The following C2orf76 variants were observed in gnomAD, a reference collection of about 807,000 sequenced individuals.
The protein encoded by C2orf76 is UPF0538 protein C2orf76.
In C2orf76, 23 loss-of-function variants were observed where a neutral mutation model predicts 16.9. The ratio of observed to expected loss-of-function variants is 1.36; its 90% confidence interval spans 0.98 to 1.93. C2orf76 has a LOEUF of 1.93. Among genes scored for constraint, C2orf76 ranks in the 30% most tolerant of loss-of-function variants. The pLI, the probability that C2orf76 is intolerant of heterozygous loss-of-function variation, is 0.00. For synonymous variants in C2orf76, 48 were observed against 52.3 expected, an observed-to-expected ratio of 0.92 and a Z score of 0.35; for missense variants, 152 against 152.6, an observed-to-expected ratio of 1.00 and a Z score of 0.02.
intron 1 of C2orf76, among the ~76,000 whole-genome samples, chr2:119,358,708 C>T (rs149251825): frequency 7.2e-5 from 11 of 152,140 alleles, no homozygotes; most frequent in African/African-American, 2.4e-4. Context: ...AAGGCCCTAA[C>T]ACTCTTCAAT....
At chr2:119,347,941 GA>G (rs1418560558) in intron 1 of C2orf76, among the ~76,000 whole-genome samples, 1 of 150,718 alleles carries the variant, frequency 6.6e-6, no homozygotes, top group Non-Finnish European at 1.5e-5. Flanking sequence ...TTGGGAGGCT[GA>G]GGCAGAAAGA....
At chr2:119,367,006 C>T (rs1681041054), upstream of C2orf76, 2 of 1,613,242 alleles carry the variant, frequency 1.2e-6, no homozygotes, top group Non-Finnish European at 1.7e-6. Context: ...CTTCCTGGTC[C>T]TCGCCTCCTC....
At chr2:119,346,701 G>C (rs1419057251) in intron 1 of C2orf76, among the ~76,000 whole-genome samples, 1 of 152,158 alleles carries the variant, frequency 6.6e-6, no homozygotes, top group African/African-American at 2.4e-5. Flanking sequence ...CCTTGTGATG[G>C]AAATGTTCTG....
At chr2:119,286,435 C>G in the C2orf76 span, among the ~76,000 whole-genome samples, 10 of 151,878 alleles carry the variant, frequency 6.6e-5, no homozygotes, top group African/African-American at 2.4e-4. Context: ...CATTCAGAGA[C>G]CAGAGTGGGA....
intron 1 of C2orf76, among the ~76,000 whole-genome samples, chr2:119,350,459 T>C (rs1211280912): frequency 6.6e-6 from 1 of 152,154 alleles, no homozygotes; most frequent in East Asian, 1.9e-4. Flanking sequence ...CCAGCTAGTT[T>C]GGGGCAATGC....
intron 4 of C2orf76, among the ~76,000 whole-genome samples, chr2:119,314,283 C>T (rs905792610): frequency 6.6e-6 from 1 of 151,966 alleles, no homozygotes; most frequent in Admixed American, 6.6e-5. Context: ...TGCCCTGTAC[C>T]CAGGACCCAA....
chr2:119,347,225 C>G (rs1386819573), intron 1 of C2orf76, among the ~76,000 whole-genome samples: 1 of 152,036 alleles, frequency 6.6e-6, no homozygotes, highest in Non-Finnish European at 1.5e-5. Flanking sequence ...TTAAATGACA[C>G]CACAAGGAGG....
intron 2 of C2orf76, among the ~76,000 whole-genome samples, chr2:119,335,039 A>G (rs752573568): frequency 4.6e-5 from 7 of 152,244 alleles, no homozygotes; most frequent in Non-Finnish European, 1.0e-4. Context: ...GAATTAACAG[A>G]TAAGCAAGGA....
At chr2:119,346,690 T>A (rs1278686682) in intron 1 of C2orf76, among the ~76,000 whole-genome samples, 1 of 152,116 alleles carries the variant, frequency 6.6e-6, no homozygotes, top group African/African-American at 2.4e-5. Context: ...AAATGAGAGA[T>A]CCTTGTGATG....
chr2:119,348,730 C>T (rs1156876848), intron 1 of C2orf76, among the ~76,000 whole-genome samples: 1 of 151,616 alleles, frequency 6.6e-6, no homozygotes, highest in Non-Finnish European at 1.5e-5. Context: ...TGCCGTGGCT[C>T]ACACTTGTAA....
chr2:119,339,719 G>T, intron 2 of C2orf76, 108 bp downstream of exon 2: 1 of 1,263,358 alleles, frequency 7.9e-7, no homozygotes, highest in Non-Finnish European at 1.1e-6. Context: ...TTGGAACCCA[G>T]GTTAATCTTT....
the C2orf76 span, among the ~76,000 whole-genome samples, chr2:119,294,827 G>C: frequency 6.6e-6 from 1 of 152,194 alleles, no homozygotes; most frequent in Admixed American, 6.5e-5. Flanking sequence ...TTCAGGTGCA[G>C]GTGTAGAAGG....
chr2:119,305,520 A>G (rs4849774), intron 5 of C2orf76, among the ~76,000 whole-genome samples: 108,450 of 152,120 alleles, frequency 0.71, 39,659 homozygotes, highest in African/African-American at 0.89. Context: ...AGTATGAGGC[A>G]CAGCCCCTGT....
At chr2:119,352,730 C>T (rs773032361) in intron 1 of C2orf76, among the ~76,000 whole-genome samples, 3 of 152,144 alleles carry the variant, frequency 2.0e-5, no homozygotes, top group Non-Finnish European at 4.4e-5. Flanking sequence ...CAAATAAATG[C>T]TGCTAAATTG....
At chr2:119,339,675 A>T in intron 2 of C2orf76, 152 bp downstream of exon 2, 1 of 637,276 alleles carries the variant, frequency 1.6e-6, no homozygotes, top group Non-Finnish European at 2.6e-6. Flanking sequence ...TGCAGATGCC[A>T]GGGCCCAGAA....
At chr2:119,295,594 T>C in the C2orf76 span, among the ~76,000 whole-genome samples, 1 of 152,158 alleles carries the variant, frequency 6.6e-6, no homozygotes, top group Non-Finnish European at 1.5e-5. Context: ...ACTGCTTTGA[T>C]CGACCAGATT....
rs535309943 is a variant in C2orf76 at position 119,339,905 on chromosome 2, G to A, written c.55C>T (p.Arg19Cys). ...TVRLIRSFEH[R>C]NFKPVVYHGV... is the part of the protein sequence containing the mutation. ...TGATACACTACAGGTTTGAAATTGC[G>A]ATGTTCAAAGGAACGGATGAGGCGA... is the stretch of plus-strand genomic sequence containing the variant. Residue 19 changes from arginine (R) to cysteine (C), a missense_variant, in exon 2 of 6, where the codon CGC (arginine) becomes TGC (cysteine). By Grantham distance (180) the Arg-to-Cys change is radical. Transcript: ENST00000334816. 86 of 1,613,038 alleles carry A rather than the reference G, an allele frequency of 5.3e-5. No homozygotes were observed. The highest frequency in any genetic ancestry group is 1.6e-4 in the Middle Eastern group (1 of 6,080).
the C2orf76 span, among the ~76,000 whole-genome samples, chr2:119,289,414 G>A: frequency 2.0e-5 from 3 of 152,000 alleles, no homozygotes; most frequent in East Asian, 3.9e-4. Context: ...GTGGCCGGGC[G>A]CAGTGGCTCA....
upstream of C2orf76, chr2:119,367,056 C>T (rs771300705): frequency 1.2e-6 from 2 of 1,613,988 alleles, no homozygotes; most frequent in Non-Finnish European, 1.7e-6. Context: ...GCCAGGATGT[C>T]TCAGGTACAG....
Sources: allele counts gnomAD v4.1 joint callset (sites outside exome capture counted in the v4.1 genomes callset), GRCh38; gene constraint gnomAD v4.1.1; transcripts MANE v1.5; gene names NCBI Gene and HGNC (gene_info 2026-07-23, HGNC 2026-07-21).